Variants in DNA2 observed in about 807,000 individuals in gnomAD.
DNA2 encodes the protein DNA replication helicase/nuclease 2.
Under a neutral mutation model 119.1 loss-of-function variants are expected in DNA2, and 101 were observed. That is an observed-to-expected ratio of 0.85 (90% CI 0.72 to 1.00). The LOEUF is 1.00. DNA2 is among the 50% of genes least tolerant of loss of function. The pLI, the probability that DNA2 is intolerant of heterozygous loss-of-function variation, is 0.00. For synonymous variants in DNA2, 366 were observed against 424.4 expected (o/e 0.86, Z 1.69); for missense variants, 1,121 against 1,255.5 (o/e 0.89, Z 1.62).
chr10:68,448,962 T>TGTGCGC (rs1554907477), intron 6 of DNA2, among the ~76,000 whole-genome samples: 1 of 104,224 alleles, frequency 9.6e-6, no homozygotes, highest in African/African-American at 3.5e-5. Flanking sequence ...TGTGTGTGTG[T>TGTGCGC]GTGTGCGTGT....
chr10:68,448,924 C>G (rs902259242), intron 6 of DNA2, among the ~76,000 whole-genome samples: 4 of 147,678 alleles, frequency 2.7e-5, no homozygotes, highest in Admixed American at 6.8e-5. Context: ...GCATGTGCCA[C>G]CACACCAGGT....
intron 9 of DNA2, among the ~76,000 whole-genome samples, chr10:68,442,086 TG>T (rs1359127950): frequency 1.3e-5 from 2 of 152,036 alleles, no homozygotes; most frequent in Non-Finnish European, 1.5e-5. Flanking sequence ...AGGTAATTTT[TG>T]TATTTTTTGT....
intron 8 of DNA2, among the ~76,000 whole-genome samples, chr10:68,444,632 G>A (rs2052013473): frequency 6.6e-6 from 1 of 150,500 alleles, no homozygotes; most frequent in Non-Finnish European, 1.5e-5. Flanking sequence ...GCTGAGGCAG[G>A]AGAATCGCTT....
chr10:68,415,147 A>G (rs771020379), intron 20 of DNA2, 40 bp from the exon 21 acceptor site: 12 of 1,233,390 alleles, frequency 9.7e-6, no homozygotes, highest in Non-Finnish European at 1.4e-5. Flanking sequence ...CACAATATGG[A>G]ATGGCATAAA....
At chr10:68,467,381 T>C (rs907502262) in intron 3 of DNA2, among the ~76,000 whole-genome samples, 3 of 152,138 alleles carry the variant, frequency 2.0e-5, no homozygotes, top group Non-Finnish European at 4.4e-5. Context: ...AGTGCTGGGA[T>C]TACAGGCGTA....
chr10:68,472,447 ACTT>A (rs1294685121), upstream of DNA2, among the ~76,000 whole-genome samples: 1 of 152,028 alleles, frequency 6.6e-6, no homozygotes, highest in East Asian at 1.9e-4. Context: ...AATCTACAAA[ACTT>A]CTGGCCAGGC....
At chr10:68,432,105 A>C (rs570858843) in intron 12 of DNA2, 101 bp downstream of exon 12, 2 of 1,122,012 alleles carry the variant, frequency 1.8e-6, no homozygotes, top group Non-Finnish European at 2.6e-6. Context: ...GTCTTGGTCT[A>C]AACATTGTAG....
Position 68,456,856 on chromosome 10 carries a change from C to T in DNA2, c.719+2248G>A, listed in dbSNP as rs191529396. ...CCAGTTTAAAAAAAAAAAAAGGAGC[C>T]GGGCACGGTGGCTCACGCCTGTAAT... is the stretch of plus-strand genomic sequence containing the variant. On this transcript the variant is annotated intron_variant, in intron 5 of 20. Transcript: ENST00000358410. Among the ~76,000 whole-genome samples, 19 of 151,230 alleles carry T rather than the reference C, an allele frequency of 1.3e-4. No individual in the cohort carries two copies. The East Asian group carries it at 3.1e-3, about 25-fold the overall frequency.
At chr10:68,461,420 C>A (rs2052256764) in intron 4 of DNA2, 1 of 152,126 alleles carries the variant, frequency 6.6e-6, no homozygotes, top group African/African-American at 2.4e-5. Context: ...TACACCCATA[C>A]CACCCAGAAC....
chr10:68,441,284 T>C (rs745426238), intron 9 of DNA2, among the ~76,000 whole-genome samples: 12 of 146,436 alleles, frequency 8.2e-5, no homozygotes, highest in African/African-American at 2.5e-4. Context: ...CAGTGAGCCA[T>C]GATTGCACCA....
intron 7 of DNA2, among the ~76,000 whole-genome samples, 190 bp downstream of exon 7, chr10:68,446,106 A>T (rs1001202878): frequency 2.0e-5 from 3 of 152,202 alleles, no homozygotes; most frequent in African/African-American, 7.2e-5. Context: ...CCTGGGCAAC[A>T]GAGTGAGACT....
At chr10:68,436,889 T>C (rs780167195) in intron 10 of DNA2, 122 bp downstream of exon 10, 55 of 736,988 alleles carry the variant, frequency 7.5e-5, no homozygotes, top group Non-Finnish European at 1.0e-4. Flanking sequence ...ATTGTGGTGA[T>C]AGCTGCACAA....
At position 68,470,129 on chromosome 10, in the gene DNA2, T is replaced by C; in HGVS notation, c.109A>G (p.Thr37Ala). 6.2e-7 allele frequency: 1 copy of C among 1,601,824 alleles called. No individual in the cohort carries two copies. Among genetic ancestry groups the C allele is most frequent in the Non-Finnish European group, 8.5e-7 (1 of 1,177,306 alleles). The change falls in exon 2 of 21, where the codon ACA becomes GCA. Residue 37 changes from threonine (T) to alanine (A), a missense_variant. Thr to Ala is a moderately conservative substitution (Grantham distance 58, BLOSUM62 0). Transcript: ENST00000358410. ...TTATCCATTCCTGTGCTCAGAACTG[T>C]TCTTGGAAAGGAAGCTACCACTTTC... ...QKKVVASFPR[T>A]VLSTGMDNRY... is the part of the protein sequence containing the mutation.
Position 68,443,087 on chromosome 10 carries a change from A to G in DNA2, c.1245T>C (p.Cys415=). The G allele has an allele frequency of 6.3e-7, 1 of 1,575,456 alleles. No homozygotes were observed. Among genetic ancestry groups the G allele is most frequent in the Non-Finnish European group, 8.6e-7 (1 of 1,159,272 alleles). ...GCAGCATCACAATTGGGACTGAACT[A>G]CAATCCATCTGTTGTTCAACTGCTC... ...YSRAVEQQMD[C]SSVPIVMLPK... Residue 415 remains cysteine, a synonymous_variant, in exon 9 of 21, where the codon TGT becomes TGC. Coordinates refer to ENST00000358410, the MANE Select transcript of DNA2 (RefSeq NM_001080449.3).
chr10:68,457,767 A>G (rs2052204598), intron 5 of DNA2, among the ~76,000 whole-genome samples: 1 of 152,066 alleles, frequency 6.6e-6, no homozygotes, highest in Non-Finnish European at 1.5e-5. Context: ...GAAAATACAC[A>G]TAATGCCAAA....
upstream of DNA2, chr10:68,471,975 C>T (rs377706485): frequency 1.7e-5 from 28 of 1,611,500 alleles, no homozygotes; most frequent in Non-Finnish European, 2.4e-5. Context: ...CGCGCGCATG[C>T]GCCAACCCGC....
intron 9 of DNA2, 21 bp from the exon 10 acceptor site, chr10:68,437,262 A>T (rs1261922782): frequency 6.4e-7 from 1 of 1,569,286 alleles, no homozygotes; most frequent in Non-Finnish European, 8.7e-7. Context: ...ACCAAAGAGA[A>T]AAAAACTTCT....
Position 68,437,082 on chromosome 10 carries a change from C to A in DNA2, c.1575G>T (p.Arg525Ser), listed in dbSNP as rs756870145. 1 of 1,613,912 alleles carries A rather than the reference C, an allele frequency of 6.2e-7. No individual in the cohort carries two copies. The highest frequency in any genetic ancestry group is 1.1e-5 in the South Asian group (1 of 91,070). ...ATCCTCTAGACAAAGCAAACAGTGA[C>A]CTTTCTTCTCCACTTACAATAACTC... ...GDRVIVSGEERSLFALSRGYV... is the reference protein window; with the variant it reads ...GDRVIVSGEESSLFALSRGYV... Residue 525 changes from arginine (R) to serine (S), a missense_variant, in exon 10 of 21, where the codon AGG becomes AGT. Arg to Ser is a moderately radical substitution (Grantham distance 110). Transcript: ENST00000358410.
chr10:68,419,432 C>A (rs888159106), intron 18 of DNA2: 1 of 531,010 alleles, frequency 1.9e-6, no homozygotes, highest in Non-Finnish European at 3.3e-6. Flanking sequence ...TTTTTAGTTT[C>A]ATGAGAACGT....
Sources: allele counts gnomAD v4.1 joint callset (sites outside exome capture counted in the v4.1 genomes callset), GRCh38; gene constraint gnomAD v4.1.1; transcripts MANE v1.5; gene names NCBI Gene and HGNC (gene_info 2026-07-23, HGNC 2026-07-21).